HRH1: variants seen among roughly 807,000 people sequenced by gnomAD.
HRH1 encodes the protein histamine receptor H1, also known as histamine H1 receptor.
HRH1 carries 6 observed loss-of-function variants against 10.3 expected under a neutral mutation model. The observed-to-expected ratio is 0.58, with a 90% confidence interval of 0.32 to 1.15. The LOEUF is 1.15. HRH1 is among the 50% of genes most tolerant of loss of function. The pLI is 0.05. For missense variants in HRH1, 514 were observed against 615.3 expected (o/e 0.84, Z 1.74); for synonymous variants, 242 against 236.7 (o/e 1.02, Z -0.21).
intron 1 of HRH1, among the ~76,000 whole-genome samples, chr3:11,205,836 A>G (rs1938103106): frequency 6.6e-6 from 1 of 151,652 alleles, no homozygotes; most frequent in African/African-American, 2.4e-5. Context: ...TAATTTTTGT[A>G]TTTTTAGTAG....
intron 1 of HRH1, among the ~76,000 whole-genome samples, chr3:11,227,746 A>G (rs1014487219): frequency 6.6e-6 from 1 of 152,172 alleles, no homozygotes; most frequent in African/African-American, 2.4e-5. Flanking sequence ...CACACCCCCT[A>G]GGAACTTCCT....
At chr3:11,180,946 CAT>C (rs1391218412) in intron 1 of HRH1, among the ~76,000 whole-genome samples, 1 of 105,416 alleles carries the variant, frequency 9.5e-6, no homozygotes, top group African/African-American at 3.9e-5. Flanking sequence ...TTCTCTCAGG[CAT>C]ACACACACAC....
chr3:11,159,255 C>A (rs1275862386), intron 1 of HRH1, among the ~76,000 whole-genome samples: 3 of 151,926 alleles, frequency 2.0e-5, no homozygotes, highest in African/African-American at 7.3e-5. Context: ...CTCAAAAAAA[C>A]AAAACAAAAA....
chr3:11,160,212 T>G (rs968528644), intron 1 of HRH1, among the ~76,000 whole-genome samples: 6 of 152,194 alleles, frequency 3.9e-5, no homozygotes, highest in Non-Finnish European at 8.8e-5. Flanking sequence ...TTGTGGAATC[T>G]CCATATTATG....
In HRH1 at chr3:11,181,776, C is replaced by T. The variant is rs532678460; in HGVS notation, c.-36+27222C>T. ...CCTCCCGAGTAGCCGGGACTACAGG[C>T]GCCCGCCACTGCGCCCAGCTAATTT... is the stretch of plus-strand genomic sequence containing the variant. On this transcript the variant is annotated intron_variant, in intron 1 of 1. Transcript: ENST00000431010. Among the ~76,000 whole-genome samples the T allele has an allele frequency of 1.2e-4, 18 of 151,800 alleles. No homozygotes were observed. The East Asian group carries it at 3.3e-3, about 28-fold the overall frequency.
chr3:11,200,749 A>C (rs1937873289), intron 1 of HRH1, among the ~76,000 whole-genome samples: 2 of 152,146 alleles, frequency 1.3e-5, no homozygotes, highest in Admixed American at 1.3e-4. Context: ...GCAGAAAGTC[A>C]TTTCCCCTGA....
At chr3:11,140,621 C>T (rs1021978137) in intron 1 of HRH1, among the ~76,000 whole-genome samples, 1 of 152,136 alleles carries the variant, frequency 6.6e-6, no homozygotes, top group African/African-American at 2.4e-5. Context: ...TTCCTGAAAC[C>T]TCCCTCAGAG....
chr3:11,216,505 A>G (rs347599), intron 1 of HRH1, among the ~76,000 whole-genome samples: 87,102 of 152,076 alleles, frequency 0.57, 25,291 homozygotes, highest in East Asian at 0.67. Flanking sequence ...TTATGCTAAG[A>G]TAAATCAGCC....
At chr3:11,234,475 C>T (rs949006670) in intron 1 of HRH1, 14 of 1,552,580 alleles carry the variant, frequency 9.0e-6, no homozygotes, top group Admixed American at 3.3e-5. Flanking sequence ...AAAAGGCTGA[C>T]TTGAACTGTT....
At chr3:11,193,207 C>G (rs1319340597) in intron 1 of HRH1, among the ~76,000 whole-genome samples, 4 of 152,218 alleles carry the variant, frequency 2.6e-5, no homozygotes, top group Non-Finnish European at 5.9e-5. Flanking sequence ...AGAAATATCC[C>G]ATATGCAGGC....
upstream of HRH1, among the ~76,000 whole-genome samples, chr3:11,150,629 GGA>G (rs1474205403): frequency 1.3e-5 from 2 of 152,226 alleles, no homozygotes; most frequent in Non-Finnish European, 2.9e-5. Flanking sequence ...CTTGGTTAGT[GGA>G]GGATTTAAAG....
At chr3:11,233,748 A>G (rs776391037) in intron 1 of HRH1, among the ~76,000 whole-genome samples, 1 of 152,218 alleles carries the variant, frequency 6.6e-6, no homozygotes, top group Non-Finnish European at 1.5e-5. Context: ...ACCCCTTCAC[A>G]TACTCGAGGT....
At chr3:11,168,138 G>A (rs1044070870) in intron 1 of HRH1, among the ~76,000 whole-genome samples, 1 of 152,200 alleles carries the variant, frequency 6.6e-6, no homozygotes, top group African/African-American at 2.4e-5. Flanking sequence ...TATCTCAGTG[G>A]AAAGCATTCT....
chr3:11,220,104 T>G (rs1559276351), intron 1 of HRH1, among the ~76,000 whole-genome samples: 2 of 152,168 alleles, frequency 1.3e-5, no homozygotes, highest in Non-Finnish European at 2.9e-5. Flanking sequence ...TCTCTAAGAC[T>G]CAATTAGTAA....
Position 11,260,630 on chromosome 3 carries a change from T to G in HRH1, c.*129T>G, listed in dbSNP as rs1939930289. 2.4e-6 allele frequency: 2 copies of G among 824,872 alleles called. No homozygotes were observed. The highest frequency in any genetic ancestry group is 3.9e-6 in the Non-Finnish European group (2 of 511,210). 51.1% of individuals were successfully genotyped at this position (824,872 alleles called of 1,614,324 possible). A position where few individuals can be genotyped will look rare whatever the true frequency, so the allele number is the denominator to read the frequency against. ...AATCCAAACCACAGTCTTAGGGGCT[T>G]GGTAGTTTGGAAAGTTCTTAGGCAC... On this transcript the variant is annotated 3_prime_UTR_variant, in exon 2 of 2. Transcript: ENST00000431010.
chr3:11,149,153 C>G (rs1398053215), intron 1 of HRH1, among the ~76,000 whole-genome samples: 2 of 152,178 alleles, frequency 1.3e-5, no homozygotes, highest in Non-Finnish European at 2.9e-5. Flanking sequence ...ATTTGTAACA[C>G]AGGTATAAAT....
intron 1 of HRH1, among the ~76,000 whole-genome samples, chr3:11,164,624 G>T (rs957318702): frequency 2.0e-5 from 3 of 152,180 alleles, no homozygotes; most frequent in Admixed American, 6.5e-5. Context: ...GATGTAGATG[G>T]TGTTGTGCAT....
chr3:11,225,334 C>T (rs1054172923), intron 1 of HRH1, among the ~76,000 whole-genome samples: 3 of 152,284 alleles, frequency 2.0e-5, no homozygotes, highest in East Asian at 3.9e-4. Flanking sequence ...CAGGCCTGGC[C>T]GGCTGGAGTC....
intron 1 of HRH1, among the ~76,000 whole-genome samples, chr3:11,244,190 T>G (rs1402355416): frequency 6.6e-6 from 1 of 152,176 alleles, no homozygotes; most frequent in Non-Finnish European, 1.5e-5. Flanking sequence ...GCACTACTCA[T>G]CATATCCACA....
Sources: allele counts gnomAD v4.1 joint callset (sites outside exome capture counted in the v4.1 genomes callset), GRCh38; gene constraint gnomAD v4.1.1; transcripts MANE v1.5; gene names NCBI Gene and HGNC (gene_info 2026-07-23, HGNC 2026-07-21).